The following GPR173 variants were observed in gnomAD, a reference collection of about 807,000 sequenced individuals.
The protein encoded by GPR173 is G protein-coupled receptor 173, also known as probable G protein-coupled receptor 173.
GPR173 carries 2 observed loss-of-function variants against 13.9 expected under a neutral mutation model. The observed-to-expected ratio is 0.14, with a 90% confidence interval of 0.06 to 0.45. GPR173 has a LOEUF of 0.45. Ranked by LOEUF, GPR173 falls within the 20% of genes least tolerant of loss-of-function variation. GPR173 has a pLI of 0.98. For synonymous variants in GPR173, 131 were observed against 141.0 expected (o/e 0.93, Z 0.50); for missense variants, 202 against 340.5 (o/e 0.59, Z 3.20).
At chrX:53,075,292 C>A (rs1483814525) in intron 1 of GPR173, among the ~76,000 whole-genome samples, 4 of 107,311 alleles carry the variant, frequency 3.7e-5, no homozygotes, top group African/African-American at 1.4e-4. Flanking sequence ...GATGACACTT[C>A]CTCCGTGAAG....
chrX:53,060,736 G>A (rs1240348373), intron 1 of GPR173, among the ~76,000 whole-genome samples: 3 of 106,516 alleles, frequency 2.8e-5, no homozygotes, highest in East Asian at 6.1e-4. Flanking sequence ...TGTACAAAAT[G>A]GTATACGGTT....
intron 1 of GPR173, among the ~76,000 whole-genome samples, chrX:53,074,113 T>TG (rs1932348239): frequency 0.53 from 8 of 15 alleles, 2 homozygotes; most frequent in Admixed American, 1. Flanking sequence ...TAAATATACA[T>TG]TTATATAAAT....
intron 1 of GPR173, among the ~76,000 whole-genome samples, chrX:53,061,996 G>GAGAAGAGAAGAGAAT (rs1932132750): frequency 3.0e-5 from 3 of 98,690 alleles, no homozygotes; most frequent in Admixed American, 1.1e-4. Context: ...AGAGAAAGAA[G>GAGAAGAGAAGAGAAT]AGAAGAGAAG....
intron 1 of GPR173, among the ~76,000 whole-genome samples, chrX:53,056,423 C>T (rs1335801321): frequency 4.6e-5 from 5 of 109,581 alleles, no homozygotes; most frequent in African/African-American, 1.7e-4. Context: ...CAGCCTATGT[C>T]TGAACGTCTA....
At chrX:53,069,169 G>A (rs1393424938) in intron 1 of GPR173, among the ~76,000 whole-genome samples, 7 of 106,132 alleles carry the variant, frequency 6.6e-5, no homozygotes, top group African/African-American at 1.0e-4. Context: ...CATGTTAGCC[G>A]GGCTGGTCTC....
intron 1 of GPR173, among the ~76,000 whole-genome samples, chrX:53,074,092 A>G (rs1232529592): frequency 3.0e-5 from 1 of 33,865 alleles, no homozygotes; most frequent in South Asian, 4.6e-3. Flanking sequence ...ATTTATTTAT[A>G]TATAAATATA....
chrX:53,069,144 G>C (rs1440860656), intron 1 of GPR173, among the ~76,000 whole-genome samples: 2 of 106,603 alleles, frequency 1.9e-5, no homozygotes, highest in African/African-American at 6.8e-5. Flanking sequence ...ATTTTTACTA[G>C]AGACAGGGTT....
intron 1 of GPR173, among the ~76,000 whole-genome samples, chrX:53,064,384 C>T (rs1556804066): frequency 3.6e-5 from 4 of 110,931 alleles, no homozygotes; most frequent in Non-Finnish European, 1.9e-5. Flanking sequence ...GCCTGGCCAA[C>T]ATGGTGAAAC....
chrX:53,069,031 C>T (rs1205392048), intron 1 of GPR173, among the ~76,000 whole-genome samples: 1 of 98,818 alleles, frequency 1.0e-5, no homozygotes, highest in Non-Finnish European at 2.0e-5. Flanking sequence ...TCTCAGCTCA[C>T]TCACTGCAAT....
At chrX:53,066,396 G>T (rs995858368) in intron 1 of GPR173, among the ~76,000 whole-genome samples, 2 of 111,449 alleles carry the variant, frequency 1.8e-5, no homozygotes, top group East Asian at 2.8e-4. Context: ...TTATTCGTGT[G>T]CAAAAAAAGC....
intron 1 of GPR173, among the ~76,000 whole-genome samples, chrX:53,061,991 A>AAGAAGAGAAGAGAAG (rs1556803835): frequency 4.7e-5 from 5 of 105,494 alleles, no homozygotes; most frequent in African/African-American, 1.8e-4. Flanking sequence ...AGGGAAGAGA[A>AAGAAGAGAAGAGAAG]AGAAGAGAAG....
chrX:53,077,500 G>A lies in GPR173; in HGVS notation c.879G>A (p.Leu293=). 8.3e-7 allele frequency: 1 copy of A among 1,211,350 alleles called. No individual in the cohort carries two copies. Among genetic ancestry groups the A allele is most frequent in the Non-Finnish European group, 1.1e-6 (1 of 895,080 alleles). ...QLGRMFYAIT[L]LFLLLWSPYI... ...GCCGCATGTTCTACGCGATCACACT[G>A]CTCTTTCTGCTCCTCTGGTCACCCT... is the stretch of plus-strand genomic sequence containing the variant. Residue 293 remains leucine, a synonymous_variant, in exon 2 of 2, where the codon CTG becomes CTA. Transcript: ENST00000332582.
At chrX:53,051,365 A>C (rs112149844) in intron 1 of GPR173, among the ~76,000 whole-genome samples, 52 of 110,973 alleles carry the variant, frequency 4.7e-4, no homozygotes, top group African/African-American at 1.5e-3. Context: ...TTTCTGAAGA[A>C]GCATTTGGTG....
In GPR173 at chrX:53,077,531, G is replaced by A. The variant is rs1556806049; in HGVS notation, c.910G>A (p.Val304Met). The A allele has an allele frequency of 9.1e-6, 11 of 1,210,959 alleles. No homozygotes were observed. The highest frequency in any genetic ancestry group is 3.5e-5 in the South Asian group (2 of 57,013). ...TCTGCTCCTCTGGTCACCCTACATC[G>A]TGGCCTGCTACTGGCGAGTGTTTGT... ...LFLLLWSPYI[V>M]ACYWRVFVKA... The change falls in exon 2 of 2, where the codon GTG becomes ATG. Residue 304 changes from valine (V) to methionine (M), a missense_variant. By Grantham distance (21) the Val-to-Met change is conservative (BLOSUM62 1). Coordinates refer to ENST00000332582, the MANE Select transcript of GPR173 (RefSeq NM_018969.6).
intron 1 of GPR173, among the ~76,000 whole-genome samples, chrX:53,074,746 A>ATTATATATAAATATATATAAT (rs1932399311): frequency 8.5e-5 from 8 of 93,630 alleles, no homozygotes; most frequent in South Asian, 4.5e-4. Context: ...TATAAATATA[A>ATTATATATAAATATATATAAT]TTATATATAA....
At position 53,077,525 on chromosome X, in the gene GPR173, T is replaced by C. The variant is rs1556806044; in HGVS notation, c.904T>C (p.Tyr302His). Reference protein sequence around the residue: ...TLLFLLLWSPYIVACYWRVFV... With the variant: ...TLLFLLLWSPHIVACYWRVFV... ...GCTCTTTCTGCTCCTCTGGTCACCC[T>C]ACATCGTGGCCTGCTACTGGCGAGT... The change falls in exon 2 of 2, where the codon TAC becomes CAC. Residue 302 changes from tyrosine to histidine, a missense_variant. Coordinates refer to ENST00000332582, the MANE Select transcript of GPR173 (RefSeq NM_018969.6). The C allele has an allele frequency of 8.3e-7, 1 of 1,211,242 alleles. No homozygotes were observed.
intron 1 of GPR173, among the ~76,000 whole-genome samples, chrX:53,061,124 G>A (rs1556803754): frequency 1.8e-5 from 2 of 109,010 alleles, no homozygotes; most frequent in Non-Finnish European, 3.8e-5. Flanking sequence ...TGGGGAGGCT[G>A]AGGCAGGAGA....
intron 1 of GPR173, among the ~76,000 whole-genome samples, chrX:53,056,820 T>A (rs1190940992): frequency 9.0e-6 from 1 of 111,693 alleles, no homozygotes; most frequent in Non-Finnish European, 1.9e-5. Context: ...TGTTTGTTTA[T>A]GTATGTGACT....
intron 1 of GPR173, among the ~76,000 whole-genome samples, chrX:53,072,714 GGAGAGAGAAAGAGAAAGAGA>G (rs1237370242): frequency 2.7e-5 from 3 of 110,645 alleles, no homozygotes; most frequent in Non-Finnish European, 5.7e-5. Flanking sequence ...TCAAGGTAAA[GGAGAGAGAAAGAGAAAGAGA>G]GAGAGAGAAA....
Sources: gnomAD v4.1 joint callset for allele counts (sites outside exome capture counted in the v4.1 genomes callset) on GRCh38, gnomAD v4.1.1 for gene constraint, MANE v1.5 for transcripts, NCBI Gene and HGNC (gene_info 2026-07-23, HGNC 2026-07-21) for gene names.